MEIS2: variants seen among roughly 807,000 people sequenced by gnomAD.
MEIS2 encodes the protein homeobox protein Meis2.
Under a neutral mutation model 58.6 loss-of-function variants are expected in MEIS2, and 9 were observed. The ratio of observed to expected loss-of-function variants is 0.15; its 90% CI spans 0.09 to 0.27. The LOEUF is 0.27. Ranked by LOEUF, MEIS2 falls within the 10% of genes least tolerant of loss-of-function variation. The pLI, the probability that MEIS2 is intolerant of heterozygous loss-of-function variation, is 1.00. For missense variants in MEIS2, 427 were observed against 635.0 expected (o/e 0.67, Z 3.52); for synonymous variants, 221 against 228.4 (o/e 0.97, Z 0.29).
chr15:36,970,978 TAATA>T (rs1310366403), intron 8 of MEIS2, among the ~76,000 whole-genome samples: 3 of 151,854 alleles, frequency 2.0e-5, no homozygotes, highest in Admixed American at 6.6e-5. Context: ...ATCAACAGAT[TAATA>T]GATAAGAAAC....
chr15:37,066,343 C>T (rs1889921945), intron 7 of MEIS2: 1 of 152,154 alleles, frequency 6.6e-6, no homozygotes, highest in Non-Finnish European at 1.5e-5. Context: ...TTTCTCAGGA[C>T]AGTCACTTGC....
At chr15:36,947,372 C>T (rs1204080768) in intron 9 of MEIS2, among the ~76,000 whole-genome samples, 1 of 151,970 alleles carries the variant, frequency 6.6e-6, no homozygotes, top group Non-Finnish European at 1.5e-5. Context: ...ATCTCCTAAA[C>T]TTCCTTTTTG....
At chr15:36,943,564 G>T (rs1281812394) in intron 9 of MEIS2, among the ~76,000 whole-genome samples, 3 of 151,936 alleles carry the variant, frequency 2.0e-5, no homozygotes, top group Admixed American at 6.6e-5. Context: ...TTTCTTTAAG[G>T]GGCATTTTTT....
intron 8 of MEIS2, among the ~76,000 whole-genome samples, chr15:36,976,502 A>G (rs2059765580): frequency 6.7e-6 from 1 of 148,524 alleles, no homozygotes. Context: ...GTATATAATT[A>G]TATTATTATA....
chr15:37,015,585 TG>T (rs1376102601), intron 8 of MEIS2, among the ~76,000 whole-genome samples: 1 of 96,206 alleles, frequency 1.0e-5, no homozygotes, highest in African/African-American at 4.1e-5. Context: ...AGATTTGAGG[TG>T]GGGGAAGTGT....
chr15:37,049,555 C>T (rs1388700710), intron 7 of MEIS2, among the ~76,000 whole-genome samples: 7 of 151,786 alleles, frequency 4.6e-5, no homozygotes, highest in African/African-American at 1.2e-4. Context: ...GGCTCAATCT[C>T]GGCTCATTGC....
At chr15:37,037,680 T>G (rs965180261) in intron 7 of MEIS2, among the ~76,000 whole-genome samples, 1 of 152,266 alleles carries the variant, frequency 6.6e-6, no homozygotes, top group African/African-American at 2.4e-5. Flanking sequence ...AGTTATTTTT[T>G]CTTGCCCTCT....
At chr15:37,008,302 T>C (rs1253322179) in intron 8 of MEIS2, among the ~76,000 whole-genome samples, 1 of 152,254 alleles carries the variant, frequency 6.6e-6, no homozygotes, top group Non-Finnish European at 1.5e-5. Context: ...CCCAATGTTT[T>C]TAAAATGTAT....
intron 7 of MEIS2, among the ~76,000 whole-genome samples, chr15:37,060,138 GC>G (rs1889009611): frequency 6.6e-6 from 1 of 151,944 alleles, no homozygotes; most frequent in East Asian, 1.9e-4. Flanking sequence ...TGGGGGTCTT[GC>G]CATGTTGCCC....
chr15:37,036,593 C>T, intron 8 of MEIS2: 1 of 442,810 alleles, frequency 2.3e-6, no homozygotes. Context: ...TAAATAAAGT[C>T]CATTCCCAGC....
intron 3 of MEIS2, chr15:37,096,018 G>GA: frequency 2.2e-6 from 1 of 453,710 alleles, no homozygotes; most frequent in Non-Finnish European, 3.9e-6. Context: ...GGAGGCGGGG[G>GA]AAAAAGGCCA....
At chr15:36,947,591 G>A (rs2058613456) in intron 9 of MEIS2, among the ~76,000 whole-genome samples, 1 of 151,952 alleles carries the variant, frequency 6.6e-6, no homozygotes, top group Non-Finnish European at 1.5e-5. Context: ...AGTCTTCCAT[G>A]ATTGTCTGAT....
intron 7 of MEIS2, among the ~76,000 whole-genome samples, chr15:37,074,621 A>G (rs1257451197): frequency 6.6e-6 from 1 of 152,018 alleles, no homozygotes; most frequent in African/African-American, 2.4e-5. Flanking sequence ...CATAGGACAA[A>G]GGGAAGAGAG....
intron 7 of MEIS2, among the ~76,000 whole-genome samples, chr15:37,059,622 C>CT (rs373925698): frequency 0.083 from 12,094 of 145,230 alleles, 512 homozygotes; most frequent in South Asian, 0.22. Flanking sequence ...GTACTGCCTT[C>CT]TTTTTTTTTT....
At chr15:37,084,027 A>G in intron 6 of MEIS2, 142 bp from the exon 7 acceptor site, 1 of 634,760 alleles carries the variant, frequency 1.6e-6, no homozygotes, top group Non-Finnish European at 2.8e-6. Flanking sequence ...ATGCCATGTT[A>G]TGGTGTGCTG....
chr15:37,073,786 C>A (rs981894062), intron 7 of MEIS2, among the ~76,000 whole-genome samples: 1 of 151,998 alleles, frequency 6.6e-6, no homozygotes, highest in African/African-American at 2.4e-5. Flanking sequence ...AAATTTTACA[C>A]TCCCAGTCTA....
intron 8 of MEIS2, among the ~76,000 whole-genome samples, chr15:36,968,290 G>T (rs1378645292): frequency 6.6e-6 from 1 of 152,134 alleles, no homozygotes; most frequent in Non-Finnish European, 1.5e-5. Flanking sequence ...TTTAGATGCT[G>T]GTTAGAAATT....
At chr15:37,024,131 C>G (rs1392366313) in intron 8 of MEIS2, among the ~76,000 whole-genome samples, 2 of 152,008 alleles carry the variant, frequency 1.3e-5, no homozygotes, top group African/African-American at 4.8e-5. Flanking sequence ...CTCCTGATGT[C>G]AGGTGATCCA....
intron 8 of MEIS2, among the ~76,000 whole-genome samples, chr15:37,034,893 T>A (rs917163298): frequency 6.6e-6 from 1 of 151,974 alleles, no homozygotes; most frequent in African/African-American, 2.4e-5. Context: ...GGCCCTTGTC[T>A]CAGCTTGACC....
Sources: gnomAD v4.1 joint callset for allele counts (sites outside exome capture counted in the v4.1 genomes callset) on GRCh38, gnomAD v4.1.1 for gene constraint, MANE v1.5 for transcripts, NCBI Gene and HGNC (gene_info 2026-07-23, HGNC 2026-07-21) for gene names.